SCIN: variants seen among roughly 807,000 people sequenced by gnomAD.
The protein encoded by SCIN is adseverin.
SCIN carries 91 observed loss-of-function variants against 91.8 expected under a neutral mutation model. The ratio of observed to expected loss-of-function variants is 0.99; its 90% CI spans 0.84 to 1.18. The LOEUF (loss-of-function observed/expected upper bound fraction) is 1.18, where lower values mean the gene tolerates loss of function less well. SCIN is among the 50% of genes most tolerant of loss of function. The pLI is 0.00. For synonymous variants in SCIN, 367 were observed against 312.6 expected, an observed-to-expected ratio of 1.17 and a Z score of -1.84; for missense variants, 1,087 against 863.9, an observed-to-expected ratio of 1.26 and a Z score of -3.24.
rs1369947712 is a variant in SCIN, at chr7:12,653,006, G to A, written c.*291G>A. ...TGTAGTCCCTGCTACTTGGAAGGCT[G>A]AGACAGGAAAATTGCTTGAACCCAG... On this transcript the variant is annotated 3_prime_UTR_variant, in exon 16 of 16. Transcript: ENST00000297029. This position sits in a 1 kb window ranked among gnomAD's most constrained non-coding sequence, Gnocchi z 4.1. The A allele has an allele frequency of 5.0e-6, 1 of 200,610 alleles. No individual in the cohort carries two copies. Among genetic ancestry groups the A allele is most frequent in the East Asian group, 1.5e-4 (1 of 6,598 alleles). The allele number at this position is 200,610 out of a possible 1,614,324, so 12.4% of individuals were successfully genotyped here. A position where few individuals can be genotyped will look rare whatever the true frequency, so the allele number is the denominator to read the frequency against.
chr7:12,593,374 A>G (rs1782767343), intron 3 of SCIN, among the ~76,000 whole-genome samples: 1 of 152,062 alleles, frequency 6.6e-6, no homozygotes, highest in Non-Finnish European at 1.5e-5. Context: ...GGGGTTTGAG[A>G]GCCATCTTCA....
intron 3 of SCIN, among the ~76,000 whole-genome samples, chr7:12,585,381 CT>C (rs1006757568): frequency 1.3e-5 from 2 of 152,076 alleles, no homozygotes; most frequent in African/African-American, 2.4e-5. Flanking sequence ...CCTTCAAGTG[CT>C]TTTTTAAAGG....
chr7:12,652,051 A>G, intron 15 of SCIN, 150 bp downstream of exon 15: 1 of 582,928 alleles, frequency 1.7e-6, no homozygotes. Flanking sequence ...GAGTAATGGG[A>G]TTTTTTGAAC....
At chr7:12,626,162 C>A in intron 7 of SCIN, 1 of 327,404 alleles carries the variant, frequency 3.1e-6, no homozygotes, top group Non-Finnish European at 5.5e-6. Flanking sequence ...GCAAGTTGTG[C>A]AGACTTGGCC....
chr7:12,628,254 A>G (rs1365349222), intron 8 of SCIN, among the ~76,000 whole-genome samples: 1 of 152,038 alleles, frequency 6.6e-6, no homozygotes. Flanking sequence ...CCTGGATGGC[A>G]CCTTTTAAAA....
intron 11 of SCIN, among the ~76,000 whole-genome samples, chr7:12,641,350 A>G (rs967598907): frequency 1.3e-5 from 2 of 152,088 alleles, no homozygotes; most frequent in African/African-American, 4.8e-5. Flanking sequence ...CTCAAGTGGA[A>G]CTTGTGTTTT....
At chr7:12,627,496 G>C (rs10224929) in intron 8 of SCIN, among the ~76,000 whole-genome samples, 1,700 of 152,210 alleles carry the variant, frequency 0.011, 37 homozygotes, top group African/African-American at 0.038. Flanking sequence ...TTCTCCTAGA[G>C]CTCTCATCGA....
chr7:12,631,627 C>T (rs1489495584), intron 9 of SCIN, among the ~76,000 whole-genome samples: 4 of 152,198 alleles, frequency 2.6e-5, no homozygotes, highest in African/African-American at 9.7e-5. Flanking sequence ...AACCCCCTCA[C>T]TGTGTGATGA....
chr7:12,632,561 G>A (rs1280848805), intron 9 of SCIN, among the ~76,000 whole-genome samples: 1 of 152,162 alleles, frequency 6.6e-6, no homozygotes, highest in African/African-American at 2.4e-5. Context: ...TGAATTTAGT[G>A]TAGTGACAAC....
At chr7:12,645,667 C>T (rs1301723906) in intron 13 of SCIN, among the ~76,000 whole-genome samples, 1 of 152,078 alleles carries the variant, frequency 6.6e-6, no homozygotes, top group Non-Finnish European at 1.5e-5. Context: ...CGATAGGCCC[C>T]CAGTGTGTGT....
chr7:12,589,635 A>G (rs1583282091), intron 3 of SCIN: 1 of 152,176 alleles, frequency 6.6e-6, no homozygotes, highest in African/African-American at 2.4e-5. Flanking sequence ...CTCGGCAGTG[A>G]GGAGATCTAA....
chr7:12,624,293 G>A (rs567307495), intron 5 of SCIN, among the ~76,000 whole-genome samples: 1 of 152,288 alleles, frequency 6.6e-6, no homozygotes, highest in South Asian at 2.1e-4. Flanking sequence ...TAGCATACAA[G>A]CTGGCCATTG....
At chr7:12,622,947 G>A in intron 5 of SCIN, 54 bp downstream of exon 5, 1 of 1,355,120 alleles carries the variant, frequency 7.4e-7, no homozygotes, top group Non-Finnish European at 1.0e-6. Flanking sequence ...TGTAGCTAGG[G>A]AGGCCTGTAT....
chr7:12,619,761 G>A (rs990286670), intron 4 of SCIN, among the ~76,000 whole-genome samples: 2 of 152,030 alleles, frequency 1.3e-5, no homozygotes, highest in African/African-American at 2.4e-5. Flanking sequence ...ATCTGAAGGG[G>A]ACTTGGGTTT....
intron 10 of SCIN, among the ~76,000 whole-genome samples, chr7:12,639,389 C>A (rs1783813934): frequency 6.6e-6 from 1 of 152,126 alleles, no homozygotes; most frequent in African/African-American, 2.4e-5. Context: ...TTTCGGCCTC[C>A]CTATATGCAG....
chr7:12,579,686 C>T (rs1554290135), intron 2 of SCIN, among the ~76,000 whole-genome samples: 1 of 152,200 alleles, frequency 6.6e-6, no homozygotes, highest in Non-Finnish European at 1.5e-5. Context: ...GAGGCCAAAG[C>T]AGACGGATCA....
chr7:12,640,596 T>G, intron 11 of SCIN, 79 bp downstream of exon 11: 1 of 1,294,480 alleles, frequency 7.7e-7, no homozygotes, highest in East Asian at 2.9e-5. Context: ...ATATTAGACT[T>G]TAAAAACTTG....
chr7:12,615,914 A>G (rs1562617000), intron 4 of SCIN, among the ~76,000 whole-genome samples: 2 of 152,180 alleles, frequency 1.3e-5, no homozygotes, highest in Non-Finnish European at 1.5e-5. Flanking sequence ...TAAAAGTTAT[A>G]TATAAATCAG....
At chr7:12,581,266 G>A (rs757606336) in intron 3 of SCIN, 45 bp downstream of exon 3, 32 of 1,522,474 alleles carry the variant, frequency 2.1e-5, no homozygotes, top group Non-Finnish European at 2.8e-5. Flanking sequence ...AAAGTGAATT[G>A]CTTTCGGATC....
Sources: gnomAD v4.1 joint callset for allele counts (sites outside exome capture counted in the v4.1 genomes callset) on GRCh38, gnomAD v4.1.1 for gene constraint, Gnocchi (gnomAD v3.1) non-coding constraint, MANE v1.5 for transcripts, NCBI Gene and HGNC (gene_info 2026-07-23, HGNC 2026-07-21) for gene names.